The following ZNHIT6 variants were observed in gnomAD, a reference collection of about 807,000 sequenced individuals.
ZNHIT6 encodes zinc finger HIT-type containing 6.
In ZNHIT6, 45 loss-of-function variants were observed where a neutral mutation model predicts 57.2. That is an observed-to-expected ratio of 0.79 (90% CI 0.62 to 1.01). The LOEUF (loss-of-function observed/expected upper bound fraction) is 1.01. Ranked by LOEUF, ZNHIT6 falls within the 50% of genes least tolerant of loss-of-function variation. The pLI, the probability that ZNHIT6 is intolerant of heterozygous loss-of-function variation, is 0.00. For missense variants in ZNHIT6, 528 were observed against 567.3 expected (o/e 0.93, Z 0.70); for synonymous variants, 188 against 190.0 (o/e 0.99, Z 0.09).
intron 5 of ZNHIT6, among the ~76,000 whole-genome samples, chr1:85,682,938 G>A (rs1449347530): frequency 1.3e-5 from 2 of 152,176 alleles, no homozygotes; most frequent in Non-Finnish European, 2.9e-5. Flanking sequence ...GCTGGGGATG[G>A]GCGCAGTGGC....
intron 5 of ZNHIT6, among the ~76,000 whole-genome samples, chr1:85,685,530 C>T (rs769438486): frequency 7.2e-5 from 11 of 152,128 alleles, no homozygotes; most frequent in Admixed American, 2.0e-4. Context: ...TTTTTACCTA[C>T]GAATATGTCT....
At position 85,658,074 on chromosome 1, in the gene ZNHIT6, G is replaced by A. The variant is rs569823469; in HGVS notation, c.1248-103C>T. On this transcript the variant is annotated intron_variant, in intron 8 of 9. Transcript: ENST00000370574. ...ATTTTACATTAAAAATTTTTTAAAG[G>A]TGATGACAATTCAGTAGTTACTTCC... The A allele has an allele frequency of 5.1e-6, 4 of 781,530 alleles. No individual in the cohort carries two copies. The African/African-American group carries it at 5.3e-5, about 10-fold the overall frequency. The allele number at this position is 781,530 out of a possible 1,614,324, so 48.4% of individuals were successfully genotyped here.
At chr1:85,663,695 TA>T (rs1661285424) in intron 8 of ZNHIT6, among the ~76,000 whole-genome samples, 1 of 152,202 alleles carries the variant, frequency 6.6e-6, no homozygotes, top group Non-Finnish European at 1.5e-5. Flanking sequence ...TTCCTTTCTA[TA>T]GTTAGTACTC....
chr1:85,677,158 A>C, intron 8 of ZNHIT6, 78 bp downstream of exon 8: 1 of 1,055,262 alleles, frequency 9.5e-7, no homozygotes, highest in South Asian at 1.8e-5. Context: ...TAGTTTAATA[A>C]CTTGAGCTAA....
chr1:85,678,281 G>C (rs1345453542), intron 7 of ZNHIT6, among the ~76,000 whole-genome samples: 1 of 152,112 alleles, frequency 6.6e-6, no homozygotes, highest in Non-Finnish European at 1.5e-5. Context: ...TTCATTTTCA[G>C]AGTTTTTCGT....
At chr1:85,681,499 T>C (rs1482953459) in intron 5 of ZNHIT6, among the ~76,000 whole-genome samples, 1 of 152,188 alleles carries the variant, frequency 6.6e-6, no homozygotes, top group Admixed American at 6.5e-5. Context: ...TTGACATGAT[T>C]CCTTCTTTAA....
chr1:85,681,838 G>C (rs950819716), intron 5 of ZNHIT6, among the ~76,000 whole-genome samples: 2 of 152,042 alleles, frequency 1.3e-5, no homozygotes, highest in African/African-American at 4.8e-5. Flanking sequence ...TAAAATCTCA[G>C]AGGAAAAAAC....
chr1:85,664,742 C>G (rs1250697073), intron 8 of ZNHIT6, among the ~76,000 whole-genome samples: 1 of 151,724 alleles, frequency 6.6e-6, no homozygotes, highest in Non-Finnish European at 1.5e-5. Context: ...ACCCATATTA[C>G]AAATCTGTAC....
In ZNHIT6 at chr1:85,657,668, G is replaced by A. The variant is rs928970751; in HGVS notation, c.1372+179C>T. On this transcript the variant is annotated intron_variant, in intron 9 of 9. Transcript: ENST00000370574. The stretch of plus-strand genomic sequence containing the variant: ...GGTTTTATAAGATTATACGCTCTTA[G>A]AAACAGAAGAGTAGCAGCATTGCAT... Among the ~76,000 whole-genome samples, 24 of 152,094 alleles carry A rather than the reference G, an allele frequency of 1.6e-4. 2 individuals carry two copies. The highest frequency in any genetic ancestry group is 1.5e-5 in the Non-Finnish European group (1 of 67,992).
chr1:85,689,807 G>A (rs1662167539), intron 5 of ZNHIT6, among the ~76,000 whole-genome samples: 1 of 151,932 alleles, frequency 6.6e-6, no homozygotes, highest in African/African-American at 2.4e-5. Flanking sequence ...GTAGGTAGGG[G>A]GCAAGGAATG....
intron 4 of ZNHIT6, among the ~76,000 whole-genome samples, chr1:85,703,506 T>C (rs1399546849): frequency 6.6e-6 from 1 of 152,158 alleles, no homozygotes; most frequent in African/African-American, 2.4e-5. Context: ...GATGCTGATA[T>C]ATGACAAAGG....
intron 5 of ZNHIT6, among the ~76,000 whole-genome samples, chr1:85,698,552 A>G (rs1203684840): frequency 6.6e-6 from 1 of 152,182 alleles, no homozygotes; most frequent in African/African-American, 2.4e-5. Context: ...ATTCCTCAAA[A>G]GTGAAAACAT....
chr1:85,687,299 C>CAAAAAAA (rs55889012), intron 5 of ZNHIT6, among the ~76,000 whole-genome samples: 1 of 77,936 alleles, frequency 1.3e-5, no homozygotes, highest in Non-Finnish European at 2.3e-5. Flanking sequence ...AAAAAAAAAA[C>CAAAAAAA]AAAAAAAAAA....
chr1:85,687,302 A>C lies in ZNHIT6; in HGVS notation c.1020-6398T>G, dbSNP rs539531401. Among the ~76,000 whole-genome samples, 177 of 142,284 alleles carry C rather than the reference A, an allele frequency of 1.2e-3. 23 individuals carry two copies. The Middle Eastern group carries it at 0.029, about 23-fold the overall frequency. The allele number at this position is 142,284 out of a possible 152,430, so 93.3% of individuals were successfully genotyped here. A position where few individuals can be genotyped will look rare whatever the true frequency, so the allele number is the denominator to read the frequency against. On this transcript the variant is annotated intron_variant, in intron 5 of 9. Transcript: ENST00000370574. ...ATCTCAAAAAACAAAAAAAAAACAAAAAAAAAAAACAATTTAGAACCCAGT... is the reference window on the plus strand; with the variant it reads ...ATCTCAAAAAACAAAAAAAAAACAACAAAAAAAAACAATTTAGAACCCAGT...
intron 8 of ZNHIT6, among the ~76,000 whole-genome samples, chr1:85,674,064 C>CT (rs2100670759): frequency 6.6e-6 from 1 of 152,298 alleles, no homozygotes; most frequent in Non-Finnish European, 1.5e-5. Context: ...ACAGGAATTT[C>CT]TGACATTATT....
In ZNHIT6 at chr1:85,707,861, C is replaced by T. The variant is rs1263754149; in HGVS notation, c.424G>A (p.Val142Ile). The T allele has an allele frequency of 1.7e-5, 27 of 1,613,906 alleles. No homozygotes were observed. Among genetic ancestry groups the T allele is most frequent in the Non-Finnish European group, 2.1e-5 (25 of 1,180,018 alleles). The change falls in exon 1 of 10, where the codon GTA becomes ATA. Residue 142 changes from valine (V) to isoleucine (I), a missense_variant. Physicochemically the swap from Val to Ile is conservative, Grantham distance 29. Coordinates refer to ENST00000370574, the MANE Select transcript of ZNHIT6 (RefSeq NM_017953.4). ...GACCAGTCCATTACCTCTTCCTTTA[C>T]CTTCTCTTCCTTTACCTCTGGTTCA... ...VGEPEVKEEK[V>I]KEEVMDWSEV...
Position 85,678,801 on chromosome 1 carries a change from AAAC to A in ZNHIT6, c.1089-23_1089-21del. On this transcript the variant is annotated intron_variant, in intron 6 of 9. Transcript: ENST00000370574. ...GGTACTCTTTACAACAAAGAAAAAA[AAAC>A]AAGCTATATTAGTATTTATAATTTT... 1 of 1,335,174 alleles carries A rather than the reference AAAC, an allele frequency of 7.5e-7. No homozygotes were observed. Among genetic ancestry groups the A allele is most frequent in the East Asian group, 2.5e-5 (1 of 39,650 alleles). 82.7% of individuals were successfully genotyped at this position (1,335,174 alleles called of 1,614,324 possible).
At chr1:85,681,019 C>A in intron 5 of ZNHIT6, 115 bp from the exon 6 acceptor site, 1 of 690,174 alleles carries the variant, frequency 1.4e-6, no homozygotes, top group East Asian at 2.9e-5. Context: ...TAGACTTTAA[C>A]ATATATTTTC....
intron 8 of ZNHIT6, among the ~76,000 whole-genome samples, chr1:85,667,961 A>AAAAAAATATGTATATATATATATATAT: frequency 5.5e-5 from 1 of 18,200 alleles, no homozygotes; most frequent in African/African-American, 2.1e-4. Context: ...AAAAAAAAAA[A>AAAAAAATATGTATATATATATATATAT]ATATATATAT....
Sources: allele counts gnomAD v4.1 joint callset (sites outside exome capture counted in the v4.1 genomes callset), GRCh38; gene constraint gnomAD v4.1.1; transcripts MANE v1.5; gene names NCBI Gene and HGNC (gene_info 2026-07-23, HGNC 2026-07-21).